The following NHSL1 variants were observed in gnomAD, a reference collection of about 807,000 sequenced individuals.
NHSL1 encodes the protein NHS like 1.
NHSL1 carries 48 observed loss-of-function variants against 95.0 expected under a neutral mutation model. The ratio of observed to expected loss-of-function variants is 0.51; its 90% confidence interval spans 0.40 to 0.64. NHSL1 has a LOEUF of 0.64. Among genes scored for constraint, NHSL1 ranks in the 30% least tolerant of loss-of-function variants. The probability of loss-of-function intolerance (pLI) is 0.00; values close to 1 mark genes in which losing one functional copy is unlikely to be tolerated. For missense variants in NHSL1, 1,971 were observed against 2,077.7 expected (o/e 0.95, Z 1.00); for synonymous variants, 783 against 833.9 (o/e 0.94, Z 1.05).
At chr6:138,443,502 A>T (rs990112185) in intron 4 of NHSL1, among the ~76,000 whole-genome samples, 2 of 152,200 alleles carry the variant, frequency 1.3e-5, no homozygotes, top group African/African-American at 4.8e-5. Flanking sequence ...TCCTTGTATC[A>T]AGACATTAAG....
chr6:138,501,860 T>C (rs555507164), upstream of NHSL1, among the ~76,000 whole-genome samples: 22 of 152,362 alleles, frequency 1.4e-4, no homozygotes, highest in Non-Finnish European at 2.9e-4. Flanking sequence ...AAATCATCTC[T>C]ACATTACTTA....
chr6:138,567,267 A>G (rs3922606), intron 1 of NHSL1, among the ~76,000 whole-genome samples: 1,654 of 152,144 alleles, frequency 0.011, 29 homozygotes, highest in African/African-American at 0.038. Flanking sequence ...AGCTGGAACT[A>G]TAGGCACACA....
rs1420114548 is a variant in NHSL1 at position 138,485,826 on chromosome 6, AT to A, written c.211+10392del. On this transcript the variant is annotated intron_variant, in intron 2 of 7. Transcript: ENST00000343505. ...TAGAGCCAAATGAAATACCACACAT[AT>A]TTTTTTTAAGCCTTTAATAATATCA... is the stretch of plus-strand genomic sequence containing the variant. Among the ~76,000 whole-genome samples, 16 of 152,144 alleles carry A rather than the reference AT, an allele frequency of 1.1e-4. 1 individual carries two copies. The South Asian group carries it at 1.2e-3, about 12-fold the overall frequency.
intron 3 of NHSL1, among the ~76,000 whole-genome samples, chr6:138,466,266 C>A (rs1342044604): frequency 1.3e-5 from 2 of 151,920 alleles, no homozygotes; most frequent in Non-Finnish European, 2.9e-5. Flanking sequence ...TGATCTCAAT[C>A]TCCTGACCTT....
At chr6:138,492,556 G>GT (rs1780140065) in intron 2 of NHSL1, among the ~76,000 whole-genome samples, 1 of 152,260 alleles carries the variant, frequency 6.6e-6, no homozygotes, top group South Asian at 2.1e-4. Flanking sequence ...GTCAAACTCA[G>GT]TTTTTTCACA....
At chr6:138,546,996 T>A (rs969422174), upstream of NHSL1, among the ~76,000 whole-genome samples, 1 of 152,222 alleles carries the variant, frequency 6.6e-6, no homozygotes, top group African/African-American at 2.4e-5. Flanking sequence ...GTGAGTCTCC[T>A]GGCTCAGGAA....
At chr6:138,443,941 G>A (rs1057279979) in intron 4 of NHSL1, among the ~76,000 whole-genome samples, 3 of 152,276 alleles carry the variant, frequency 2.0e-5, no homozygotes, top group South Asian at 4.1e-4. Flanking sequence ...ACCATTTGAG[G>A]ATGAACACCT....
chr6:138,464,710 C>CTTTTTTTTTTTTT (rs1388677216), intron 3 of NHSL1, among the ~76,000 whole-genome samples: 1 of 111,718 alleles, frequency 9.0e-6, no homozygotes, highest in African/African-American at 4.3e-5. Flanking sequence ...TTTTTTTTTT[C>CTTTTTTTTTTTTT]TTTTCTTTTT....
At chr6:138,572,025 TGACA>T in exon 1 of NHSL1, 1 of 774,618 alleles carries the variant, frequency 1.3e-6, no homozygotes, top group Non-Finnish European at 2.0e-6. Flanking sequence ...TAGACAACGC[TGACA>T]GTCAGGCACC....
At chr6:138,452,663 C>A (rs138832320) in intron 3 of NHSL1, among the ~76,000 whole-genome samples, 259 of 152,296 alleles carry the variant, frequency 1.7e-3, no homozygotes, top group African/African-American at 5.8e-3. Flanking sequence ...TGCTCTTCCT[C>A]CCAGAATTAA....
intron 1 of NHSL1, among the ~76,000 whole-genome samples, chr6:138,520,381 C>T (rs545957481): frequency 1.3e-5 from 2 of 149,990 alleles, no homozygotes; most frequent in Middle Eastern, 3.4e-3. Flanking sequence ...CTCTGCCTCC[C>T]GGGTTCAAGC....
chr6:138,466,042 G>GGC lies in NHSL1; in HGVS notation c.339+7263_339+7264insGC, dbSNP rs1554229052. Among the ~76,000 whole-genome samples the GGC allele has an allele frequency of 8.8e-4, 61 of 69,336 alleles. 1 individual carries two copies. The highest frequency in any genetic ancestry group is 5.4e-3 in the African/African-American group (57 of 10,496). The allele number at this position is 69,336 out of a possible 152,430, so 45.5% of individuals were successfully genotyped here. A position where few individuals can be genotyped will look rare whatever the true frequency, so the allele number is the denominator to read the frequency against. On this transcript the variant is annotated intron_variant, in intron 3 of 7. Coordinates refer to ENST00000343505, the MANE Select transcript of NHSL1 (RefSeq NM_001144060.2). ...CCTGGCCCCACATACACTCCTTTTT[G>GGC]GGGGGGGGGCAGGGGGGAACAGAGT...
chr6:138,541,685 T>C (rs1052358263), intron 1 of NHSL1, among the ~76,000 whole-genome samples: 10 of 152,208 alleles, frequency 6.6e-5, no homozygotes, highest in Non-Finnish European at 1.5e-4. Context: ...TCAATTTTGT[T>C]TTTTGTTTTT....
At chr6:138,691,116 C>G (rs1323515623) in intron 1 of NHSL1, among the ~76,000 whole-genome samples, 1 of 152,230 alleles carries the variant, frequency 6.6e-6, no homozygotes, top group African/African-American at 2.4e-5. Flanking sequence ...ACCATGACAT[C>G]CTACTAGGAC....
Position 138,447,092 on chromosome 6 carries a change from C to T in NHSL1, c.441G>A (p.Trp147Ter). 1.3e-6 allele frequency: 2 copies of T among 1,551,688 alleles called. No individual in the cohort carries two copies. Among genetic ancestry groups the T allele is most frequent in the Non-Finnish European group, 1.7e-6 (2 of 1,147,004 alleles). The change falls in exon 4 of 8, where the codon TGG becomes TGA. Residue 147 changes from tryptophan (W) to a stop codon, truncating the protein, a stop_gained. Transcript: ENST00000343505. LOFTEE classifies it high-confidence loss of function. ...GTGTTGGCAGTGGAAGCGACTTGGTCCAGTTCGTCTGAGTATTAAGGTCGG... is the reference window on the plus strand; with the variant it reads ...GTGTTGGCAGTGGAAGCGACTTGGTTCAGTTCGTCTGAGTATTAAGGTCGG... ...DFSDLNTQTN[W>*]TKSLPLPTPE...
intron 3 of NHSL1, 150 bp downstream of exon 3, chr6:138,473,156 T>C: frequency 3.4e-6 from 2 of 589,976 alleles, no homozygotes; most frequent in Non-Finnish European, 5.1e-6. Context: ...TACATAATTA[T>C]GGCGCATTTG....
chr6:138,522,830 C>T (rs1272689049), intron 1 of NHSL1, among the ~76,000 whole-genome samples: 2 of 151,942 alleles, frequency 1.3e-5, no homozygotes, highest in Non-Finnish European at 2.9e-5. Context: ...AGTTTACTTT[C>T]TCTTTGAGCT....
intron 1 of NHSL1, among the ~76,000 whole-genome samples, chr6:138,498,628 T>C (rs924480594): frequency 2.0e-5 from 3 of 152,350 alleles, no homozygotes; most frequent in African/African-American, 7.2e-5. Context: ...AAGAAGCACC[T>C]ACATTAAAGA....
chr6:138,670,033 A>ACTG (rs1785343675), intron 1 of NHSL1, among the ~76,000 whole-genome samples: 1 of 152,160 alleles, frequency 6.6e-6, no homozygotes, highest in Non-Finnish European at 1.5e-5. Context: ...AGGCAGGAGA[A>ACTG]CTGCTTGAAC....
Sources: allele counts gnomAD v4.1 joint callset (sites outside exome capture counted in the v4.1 genomes callset), GRCh38; gene constraint gnomAD v4.1.1; transcripts MANE v1.5; gene names NCBI Gene and HGNC (gene_info 2026-07-23, HGNC 2026-07-21).